The following ACOX3 variants were observed in gnomAD, a reference collection of about 807,000 sequenced individuals.
ACOX3 encodes acyl-CoA oxidase 3, pristanoyl, also known as peroxisomal acyl-coenzyme A oxidase 3.
In ACOX3, 73 loss-of-function variants were observed where a neutral mutation model predicts 81.5. The observed-to-expected ratio is 0.90, with a 90% CI of 0.74 to 1.09. The LOEUF (loss-of-function observed/expected upper bound fraction) is 1.09. Ranked by LOEUF, ACOX3 falls within the 50% of genes least tolerant of loss-of-function variation. ACOX3 has a pLI of 0.00. For synonymous variants in ACOX3, 387 were observed against 375.1 expected (o/e 1.03, Z -0.37); for missense variants, 947 against 928.0 (o/e 1.02, Z -0.27).
rs992200511 is a variant in ACOX3, at chr4:8,399,348, C to T, written c.873+208G>A. Among the ~76,000 whole-genome samples, 1 of 152,214 alleles carries T rather than the reference C, an allele frequency of 6.6e-6. No individual in the cohort carries two copies. Among genetic ancestry groups the T allele is most frequent in the Non-Finnish European group, 1.5e-5 (1 of 68,038 alleles). ...GCATTGTAAGGCCCGGACTCACCCC[C>T]TGGACACCAGCACCTGGTGCTGTGG... On this transcript the variant is annotated intron_variant, in intron 8 of 17. Transcript: ENST00000356406. This position sits in a 1 kb window ranked among gnomAD's most constrained non-coding sequence, Gnocchi z 4.9.
At chr4:8,364,752 G>C (rs752722628), downstream of ACOX3, among the ~76,000 whole-genome samples, 12 of 152,178 alleles carry the variant, frequency 7.9e-5, no homozygotes, top group Non-Finnish European at 1.6e-4. The surrounding 1 kb of genome is among the most constrained non-coding windows in gnomAD (Gnocchi z 5.0). Flanking sequence ...TGACCTGCTG[G>C]TAGAAAAACA....
chr4:8,366,729 T>C lies in ACOX3; in HGVS notation c.*232A>G. Reference sequence around the variant, plus strand: ...ACGGCGCATCAGGTAGACATGATCATCTGCATTTCTTTTCCACGCTGCAAA... The same window carrying C: ...ACGGCGCATCAGGTAGACATGATCACCTGCATTTCTTTTCCACGCTGCAAA... On this transcript the variant is annotated 3_prime_UTR_variant, in exon 18 of 18. Transcript: ENST00000356406. The C allele has an allele frequency of 2.3e-6, 1 of 437,816 alleles. No homozygotes were observed. Among genetic ancestry groups the C allele is most frequent in the East Asian group, 4.0e-5 (1 of 25,034 alleles). 27.1% of individuals were successfully genotyped at this position (437,816 alleles called of 1,614,324 possible).
At chr4:8,427,217 G>T (rs939748362) in intron 1 of ACOX3, among the ~76,000 whole-genome samples, 3 of 152,170 alleles carry the variant, frequency 2.0e-5, no homozygotes, top group Non-Finnish European at 4.4e-5. Context: ...ATCATCTGTC[G>T]CCTGAGAGCA....
chr4:8,397,798 G>C (rs1719890295), intron 8 of ACOX3, among the ~76,000 whole-genome samples: 1 of 152,252 alleles, frequency 6.6e-6, no homozygotes, highest in Non-Finnish European at 1.5e-5. Flanking sequence ...TTCCAAGGCA[G>C]CATGGTAATT....
In ACOX3 at chr4:8,431,985, G is replaced by A. The variant is rs1723984767; in HGVS notation, c.-15+8663C>T. Among the ~76,000 whole-genome samples the A allele has an allele frequency of 6.6e-6, 1 of 152,080 alleles. No homozygotes were observed. The highest frequency in any genetic ancestry group is 2.4e-5 in the African/African-American group (1 of 41,414). On this transcript the variant is annotated intron_variant, in intron 1 of 17. Coordinates refer to ENST00000356406, the MANE Select transcript of ACOX3 (RefSeq NM_003501.3). The surrounding 1 kb of genome is among the most constrained non-coding windows in gnomAD (Gnocchi z 5.3). ...CTGGTTCTGCATTCCCAGAAGAGTGGCTGGAAGAAGTCACCAGGTCCTTGG... is the reference window on the plus strand; with the variant it reads ...CTGGTTCTGCATTCCCAGAAGAGTGACTGGAAGAAGTCACCAGGTCCTTGG...
rs538171890 is a variant in ACOX3, at chr4:8,434,937, C to T, written c.-15+5711G>A. On this transcript the variant is annotated intron_variant, in intron 1 of 17. Transcript: ENST00000356406. ...TGATTTTCCTTTAGTGTGAATTAGACGAGTGAGTAACCTTTTACCCTTTCC... is the reference window on the plus strand; with the variant it reads ...TGATTTTCCTTTAGTGTGAATTAGATGAGTGAGTAACCTTTTACCCTTTCC... Among the ~76,000 whole-genome samples the T allele has an allele frequency of 5.9e-5, 9 of 152,198 alleles. No homozygotes were observed. In the South Asian group the frequency reaches 1.9e-3, roughly 32 times the overall value.
At chr4:8,396,358 C>T (rs1310515890) in intron 9 of ACOX3, among the ~76,000 whole-genome samples, 2 of 152,196 alleles carry the variant, frequency 1.3e-5, no homozygotes, top group Non-Finnish European at 2.9e-5. Context: ...CGTGCACACA[C>T]CCACCTCCCA....
rs375409070 is a variant in ACOX3, at chr4:8,392,469, T to C, written c.1180-16A>G. 20 of 1,549,040 alleles carry C rather than the reference T, an allele frequency of 1.3e-5. No individual in the cohort carries two copies. The African/African-American group carries it at 2.2e-4, about 17-fold the overall frequency. ...CAAGCTCTGCCTTTGGGTGAGGGAA[T>C]CCAACAAGAACAGGTGAAAAGAGAC... On this transcript the variant is annotated splice_polypyrimidine_tract_variant and intron_variant, in intron 10 of 17. Coordinates refer to ENST00000356406, the MANE Select transcript of ACOX3 (RefSeq NM_003501.3).
In ACOX3 at chr4:8,370,808, C is replaced by G. The variant is rs1716089930; in HGVS notation, c.1983+100G>C. 8.8e-7 allele frequency: 1 copy of G among 1,137,260 alleles called. No individual in the cohort carries two copies. The highest frequency in any genetic ancestry group is 1.3e-6 in the Non-Finnish European group (1 of 774,568). 70.4% of individuals were successfully genotyped at this position (1,137,260 alleles called of 1,614,324 possible). On this transcript the variant is annotated intron_variant, in intron 17 of 17. Transcript: ENST00000356406. The surrounding 1 kb of genome is among the most constrained non-coding windows in gnomAD (Gnocchi z 6.3). ...AAGCTCCTCCATGTGTGACCACTTT[C>G]CAGAAGACACCAGACCCCTGACCCA...
Position 8,416,574 on chromosome 4 carries a change from C to G in ACOX3, c.-14-39G>C. 2 of 1,526,742 alleles carry G rather than the reference C, an allele frequency of 1.3e-6. No individual in the cohort carries two copies. Among genetic ancestry groups the G allele is most frequent in the Non-Finnish European group, 1.8e-6 (2 of 1,138,082 alleles). 94.6% of individuals were successfully genotyped at this position (1,526,742 alleles called of 1,614,324 possible). On this transcript the variant is annotated intron_variant, in intron 1 of 17. Coordinates refer to ENST00000356406, the MANE Select transcript of ACOX3 (RefSeq NM_003501.3). This position sits in a 1 kb window ranked among gnomAD's most constrained non-coding sequence, Gnocchi z 4.2. ...GCAACCTGAATCCATGCTCTCCCAT[C>G]TATGGGTTCAAACTACCCCCACCAA...
At position 8,416,155 on chromosome 4, in the gene ACOX3, G is replaced by C. The variant is rs763548385; in HGVS notation, c.145-156C>G. 2.6e-5 allele frequency among the ~76,000 whole-genome samples: 4 copies of C among 152,150 alleles called. No individual in the cohort carries two copies. Among genetic ancestry groups the C allele is most frequent in the East Asian group, 3.9e-4 (2 of 5,190 alleles). ...TATGACTATCATTCCCAATGGACTA[G>C]AGGACTGGAGGCTTAAGAAACATCA... On this transcript the variant is annotated intron_variant, in intron 2 of 17. Coordinates refer to ENST00000356406, the MANE Select transcript of ACOX3 (RefSeq NM_003501.3). The surrounding 1 kb of genome is among the most constrained non-coding windows in gnomAD (Gnocchi z 4.2).
chr4:8,434,915 T>C (rs911414621), intron 1 of ACOX3, among the ~76,000 whole-genome samples: 3 of 152,236 alleles, frequency 2.0e-5, no homozygotes, highest in African/African-American at 4.8e-5. Flanking sequence ...TTAGTTTTGA[T>C]TTTCCTTTAG....
intron 9 of ACOX3, among the ~76,000 whole-genome samples, chr4:8,395,404 A>G (rs1386069455): frequency 1.0e-4 from 7 of 69,610 alleles, no homozygotes; most frequent in African/African-American, 3.8e-4. Context: ...GGGGGGATGC[A>G]TGGATGGGTG....
rs914832054 is a variant in ACOX3 at position 8,382,524 on chromosome 4, G to A, written c.1538-917C>T. Among the ~76,000 whole-genome samples, 6 of 152,212 alleles carry A rather than the reference G, an allele frequency of 3.9e-5. No individual in the cohort carries two copies. Among genetic ancestry groups the A allele is most frequent in the South Asian group, 2.1e-4 (1 of 4,838 alleles). ...CCTGCCCAGGCACAGAGGGCCTGGC[G>A]CCCAGACACGAGGCACCTCCAGGCT... On this transcript the variant is annotated intron_variant, in intron 13 of 17. Transcript: ENST00000356406. The surrounding 1 kb of genome is among the most constrained non-coding windows in gnomAD (Gnocchi z 4.1).
chr4:8,376,400 C>T (rs1349775221), intron 14 of ACOX3, among the ~76,000 whole-genome samples: 1 of 151,794 alleles, frequency 6.6e-6, no homozygotes. Context: ...GGGGGACTGA[C>T]TGCTGCAGGA....
At chr4:8,401,267 C>T (rs556851689) in intron 7 of ACOX3, among the ~76,000 whole-genome samples, 22 of 152,258 alleles carry the variant, frequency 1.4e-4, no homozygotes, top group Non-Finnish European at 2.4e-4. Context: ...ACTAGTACCA[C>T]GGGGTTGGGG....
chr4:8,406,831 G>A lies in ACOX3; in HGVS notation c.688-788C>T, dbSNP rs1426192966. On this transcript the variant is annotated intron_variant, in intron 6 of 17. Transcript: ENST00000356406. The surrounding 1 kb of genome is among the most constrained non-coding windows in gnomAD (Gnocchi z 5.6). ...GGTGTACAGGATGGAACATGAAGGT[G>A]GACTAGGAGCGTGACCACTGAAGCA... 6.6e-6 allele frequency among the ~76,000 whole-genome samples: 1 copy of A among 152,170 alleles called. No individual in the cohort carries two copies. Among genetic ancestry groups the A allele is most frequent in the Non-Finnish European group, 1.5e-5 (1 of 68,032 alleles).
At chr4:8,396,381 C>T (rs1719690409) in intron 9 of ACOX3, among the ~76,000 whole-genome samples, 1 of 152,228 alleles carries the variant, frequency 6.6e-6, no homozygotes, top group African/African-American at 2.4e-5. Context: ...GCCGCCCCAT[C>T]CTTGCTTCTT....
chr4:8,405,566 T>C lies in ACOX3; in HGVS notation c.776+389A>G. Among the ~76,000 whole-genome samples the C allele has an allele frequency of 6.6e-6, 1 of 152,214 alleles. No homozygotes were observed. The highest frequency in any genetic ancestry group is 2.1e-4 in the South Asian group (1 of 4,830). On this transcript the variant is annotated intron_variant, in intron 7 of 17. Coordinates refer to ENST00000356406, the MANE Select transcript of ACOX3 (RefSeq NM_003501.3). The surrounding 1 kb of genome is among the most constrained non-coding windows in gnomAD (Gnocchi z 7.1). ...ACTCTGGAGGCAGAAACTGCAGATA[T>C]GGGTCCCTCGAGATCAGCATGGATG...
Sources: allele counts gnomAD v4.1 joint callset (sites outside exome capture counted in the v4.1 genomes callset), GRCh38; gene constraint gnomAD v4.1.1; non-coding constraint Gnocchi (gnomAD v3.1); transcripts MANE v1.5; gene names NCBI Gene and HGNC (gene_info 2026-07-23, HGNC 2026-07-21).